Variants in PITPNC1 observed in about 807,000 individuals in gnomAD.
The protein encoded by PITPNC1 is cytoplasmic phosphatidylinositol transfer protein 1.
A neutral mutation model predicts 44.7 loss-of-function variants in PITPNC1; 18 were observed. That is an observed-to-expected ratio of 0.40 (90% CI 0.28 to 0.60). The LOEUF (loss-of-function observed/expected upper bound fraction) is 0.60, where lower values mean the gene tolerates loss of function less well. Ranked by LOEUF, PITPNC1 falls within the 20% of genes least tolerant of loss-of-function variation. The pLI is 0.39. For missense variants in PITPNC1, 290 were observed against 418.4 expected (o/e 0.69, Z 2.68); for synonymous variants, 141 against 149.6 (o/e 0.94, Z 0.42).
chr17:67,464,726 G>A (rs560491087), intron 1 of PITPNC1, among the ~76,000 whole-genome samples: 4 of 149,976 alleles, frequency 2.7e-5, no homozygotes, highest in South Asian at 4.2e-4. Context: ...TTTGGACCAC[G>A]ATTTTACAAC....
chr17:67,477,570 TTTA>T (rs2039647932), intron 1 of PITPNC1, among the ~76,000 whole-genome samples: 1 of 86,558 alleles, frequency 1.2e-5, no homozygotes, highest in Non-Finnish European at 3.4e-5. Flanking sequence ...TATTTATTTA[TTTA>T]TTTTTTGGTA....
At chr17:67,598,744 T>G (rs932842349) in intron 5 of PITPNC1, among the ~76,000 whole-genome samples, 1 of 151,322 alleles carries the variant, frequency 6.6e-6, no homozygotes, top group Non-Finnish European at 1.5e-5. Context: ...TACAAAAAAA[T>G]TAGCTGGGCA....
chr17:67,397,704 G>T (rs1157151759), intron 1 of PITPNC1, among the ~76,000 whole-genome samples: 1 of 152,178 alleles, frequency 6.6e-6, no homozygotes. Context: ...GTTTGGGTGT[G>T]TCCCATCTCC....
chr17:67,513,941 T>C (rs901359812), intron 1 of PITPNC1, among the ~76,000 whole-genome samples: 2 of 151,876 alleles, frequency 1.3e-5, no homozygotes, highest in African/African-American at 2.4e-5. Context: ...TCGGAGGGGA[T>C]TGTGCACAAT....
intron 1 of PITPNC1, among the ~76,000 whole-genome samples, chr17:67,529,633 A>G (rs1339316465): frequency 3.9e-5 from 6 of 152,186 alleles, no homozygotes; most frequent in Admixed American, 3.9e-4. Context: ...AAAGTGCCAC[A>G]AACTGGGTGG....
chr17:67,425,203 G>GCGCACACACACACACACA (rs1370190915), intron 1 of PITPNC1, among the ~76,000 whole-genome samples: 4 of 98,822 alleles, frequency 4.0e-5, no homozygotes, highest in East Asian at 7.3e-4. Context: ...GCACGCACAC[G>GCGCACACACACACACACA]CACACACACA....
At chr17:67,419,952 C>T (rs1555649234) in intron 1 of PITPNC1, among the ~76,000 whole-genome samples, 1 of 151,974 alleles carries the variant, frequency 6.6e-6, no homozygotes, top group Non-Finnish European at 1.5e-5. Flanking sequence ...AAACCAGAAC[C>T]CCTTTGTTTC....
intron 1 of PITPNC1, among the ~76,000 whole-genome samples, chr17:67,383,584 C>G (rs1212575709): frequency 6.6e-6 from 1 of 152,160 alleles, no homozygotes; most frequent in Non-Finnish European, 1.5e-5. Flanking sequence ...GACCTGCTCA[C>G]CAAGGAGGCT....
At chr17:67,598,487 G>A (rs561179988) in intron 5 of PITPNC1, among the ~76,000 whole-genome samples, 41 of 152,344 alleles carry the variant, frequency 2.7e-4, no homozygotes, top group African/African-American at 8.9e-4. Flanking sequence ...GCATTAGGAG[G>A]TGAGGCCTTT....
chr17:67,555,472 T>C (rs975436334), intron 4 of PITPNC1, among the ~76,000 whole-genome samples: 2 of 152,092 alleles, frequency 1.3e-5, no homozygotes, highest in African/African-American at 4.8e-5. Context: ...AATTAAATGA[T>C]TCCCTACCAC....
chr17:67,660,523 TTTA>T (rs1178590504), intron 6 of PITPNC1, among the ~76,000 whole-genome samples: 53 of 133,888 alleles, frequency 4.0e-4, no homozygotes, highest in African/African-American at 6.2e-4. Context: ...TTTTATTTTA[TTTA>T]TTTATTTATT....
At chr17:67,434,717 G>A (rs1421620325) in intron 1 of PITPNC1, among the ~76,000 whole-genome samples, 1 of 151,844 alleles carries the variant, frequency 6.6e-6, no homozygotes. Flanking sequence ...GGAGGCTGAG[G>A]TGGGAGGATT....
At chr17:67,441,556 C>T (rs867881571) in intron 1 of PITPNC1, among the ~76,000 whole-genome samples, 2 of 152,256 alleles carry the variant, frequency 1.3e-5, no homozygotes, top group Admixed American at 6.5e-5. Flanking sequence ...TCATTCTCTC[C>T]GATTGTAAAA....
intron 1 of PITPNC1, among the ~76,000 whole-genome samples, chr17:67,422,683 G>A (rs974399315): frequency 6.6e-6 from 1 of 152,082 alleles, no homozygotes; most frequent in Non-Finnish European, 1.5e-5. Context: ...GCGTAGCTGG[G>A]ATTAGACTAC....
chr17:67,553,541 A>G, intron 3 of PITPNC1, 69 bp from the exon 4 acceptor site: 1 of 698,886 alleles, frequency 1.4e-6, no homozygotes, highest in Non-Finnish European at 2.4e-6. Flanking sequence ...ATTGCATATA[A>G]GCATGATCTA....
chr17:67,549,800 C>A (rs1176689390), intron 2 of PITPNC1, among the ~76,000 whole-genome samples: 1 of 152,082 alleles, frequency 6.6e-6, no homozygotes. Context: ...GGCTTTAATA[C>A]CGTAGGGAGA....
At chr17:67,536,904 G>T (rs965238680) in intron 2 of PITPNC1, among the ~76,000 whole-genome samples, 1 of 152,116 alleles carries the variant, frequency 6.6e-6, no homozygotes, top group African/African-American at 2.4e-5. Flanking sequence ...GTAAGAAAGT[G>T]GGGAGGATGG....
intron 2 of PITPNC1, among the ~76,000 whole-genome samples, chr17:67,550,801 C>T (rs1457897294): frequency 1.3e-5 from 2 of 152,208 alleles, no homozygotes; most frequent in Non-Finnish European, 2.9e-5. Context: ...GTCGCTCACA[C>T]CTGTAATCCC....
rs148357192 is a variant in PITPNC1 at position 67,490,044 on chromosome 17, T to G, written c.49-42758T>G. Among the ~76,000 whole-genome samples the G allele has an allele frequency of 4.8e-3, 726 of 152,242 alleles. 5 individuals are homozygous for G. Among genetic ancestry groups the G allele is most frequent in the African/African-American group, 0.016 (682 of 41,548 alleles). ...GAGCCACCACACCCAGCCAGGTTAT[T>G]TCTTTGGAGCATATCTTCAGATTTG... On this transcript the variant is annotated intron_variant, in intron 1 of 8. Transcript: ENST00000581322.
Sources: gnomAD v4.1 joint callset for allele counts (sites outside exome capture counted in the v4.1 genomes callset) on GRCh38, gnomAD v4.1.1 for gene constraint, MANE v1.5 for transcripts, NCBI Gene and HGNC (gene_info 2026-07-23, HGNC 2026-07-21) for gene names.